PPP1R13B: variants seen among roughly 807,000 people sequenced by gnomAD.
PPP1R13B encodes the protein apoptosis-stimulating of p53 protein 1.
PPP1R13B carries 44 observed loss-of-function variants against 119.8 expected under a neutral mutation model. That is an observed-to-expected ratio of 0.37 (90% CI 0.29 to 0.47). The LOEUF is 0.47. Ranked by LOEUF, PPP1R13B falls within the 20% of genes least tolerant of loss-of-function variation. PPP1R13B has a pLI of 0.99. For synonymous variants in PPP1R13B, 542 were observed against 561.5 expected, an observed-to-expected ratio of 0.97 and a Z score of 0.49; for missense variants, 1,227 against 1,413.5, an observed-to-expected ratio of 0.87 and a Z score of 2.12.
At chr14:103,778,026 A>G (rs889395633) in intron 4 of PPP1R13B, among the ~76,000 whole-genome samples, 15 of 150,858 alleles carry the variant, frequency 9.9e-5, no homozygotes, top group Admixed American at 3.3e-4. Flanking sequence ...ATCTTGGCTC[A>G]CTCCAACCTC....
rs2084036693 is a variant in PPP1R13B at position 103,734,454 on chromosome 14, A to AGT, written c.*698_*699dup. 1 of 452,246 alleles carries AGT rather than the reference A, an allele frequency of 2.2e-6. No homozygotes were observed. Among genetic ancestry groups the AGT allele is most frequent in the African/African-American group, 2.0e-5 (1 of 49,974 alleles). 28.0% of individuals were successfully genotyped at this position (452,246 alleles called of 1,614,324 possible). ...ACAGGCTGTGAGATCGGAGGAGAAG[A>AGT]GTATATGCTGAGGCTCTCCCAGTTG... On this transcript the variant is annotated 3_prime_UTR_variant, in exon 17 of 17. Transcript: ENST00000202556.
intron 4 of PPP1R13B, among the ~76,000 whole-genome samples, chr14:103,760,352 C>G (rs1002760885): frequency 1.3e-5 from 2 of 152,168 alleles, no homozygotes; most frequent in Admixed American, 6.5e-5. Flanking sequence ...CCTAATTCTT[C>G]CCTATTTCTC....
chr14:103,739,697 G>T, intron 12 of PPP1R13B, 127 bp downstream of exon 12: 1 of 1,171,552 alleles, frequency 8.5e-7, no homozygotes, highest in Non-Finnish European at 1.2e-6. Context: ...CTCCCTACAA[G>T]ACGTAACTCA....
At chr14:103,786,919 G>A (rs1202191720) in intron 2 of PPP1R13B, among the ~76,000 whole-genome samples, 1 of 151,616 alleles carries the variant, frequency 6.6e-6, no homozygotes, top group Non-Finnish European at 1.5e-5. Context: ...TGTTGGTCAG[G>A]TTGGTCTCGA....
intron 1 of PPP1R13B, among the ~76,000 whole-genome samples, chr14:103,819,024 G>A (rs566267036): frequency 2.0e-5 from 3 of 152,138 alleles, no homozygotes; most frequent in Non-Finnish European, 4.4e-5. Context: ...CTCACTGAAG[G>A]AGGAGAAAGG....
At chr14:103,848,218 C>T (rs930674570), upstream of PPP1R13B, 2 of 983,280 alleles carry the variant, frequency 2.0e-6, no homozygotes, top group Admixed American at 6.1e-5. Context: ...TTGGCCTTCG[C>T]CCGAGCGATC....
intron 4 of PPP1R13B, among the ~76,000 whole-genome samples, chr14:103,766,955 TA>T (rs920312200): frequency 6.6e-6 from 1 of 152,166 alleles, no homozygotes; most frequent in Non-Finnish European, 1.5e-5. Flanking sequence ...GATTCAAGAA[TA>T]AAACAATTTT....
In PPP1R13B at chr14:103,761,538, C is replaced by T. The variant is rs968616290; in HGVS notation, c.355-3787G>A. The stretch of plus-strand genomic sequence containing the variant: ...CAGCGCTTTGGGAGGCCAAGGTGGG[C>T]GGATCACGAGGTCAGGAGTTCAAGA... On this transcript the variant is annotated intron_variant, in intron 4 of 16. Coordinates refer to ENST00000202556, the MANE Select transcript of PPP1R13B (RefSeq NM_015316.3). 1.2e-4 allele frequency among the ~76,000 whole-genome samples: 18 copies of T among 151,910 alleles called. No homozygotes were observed. The East Asian group carries it at 3.3e-3, about 28-fold the overall frequency.
intron 1 of PPP1R13B, among the ~76,000 whole-genome samples, chr14:103,826,233 G>A (rs568517275): frequency 2.6e-5 from 4 of 152,164 alleles, no homozygotes; most frequent in Admixed American, 6.5e-5. Flanking sequence ...ACTTTATTGC[G>A]ATTATTTGCT....
chr14:103,796,590 C>T (rs1436263707), intron 2 of PPP1R13B, among the ~76,000 whole-genome samples: 1 of 152,118 alleles, frequency 6.6e-6, no homozygotes, highest in Non-Finnish European at 1.5e-5. Context: ...AAAGGTTAAA[C>T]ACGAATTACC....
At chr14:103,822,804 C>T (rs1471384827) in intron 1 of PPP1R13B, among the ~76,000 whole-genome samples, 1 of 151,814 alleles carries the variant, frequency 6.6e-6, no homozygotes, top group Non-Finnish European at 1.5e-5. Context: ...CAGAGCAAGA[C>T]TCCATCTCGA....
At chr14:103,765,970 C>T (rs950491532) in intron 4 of PPP1R13B, among the ~76,000 whole-genome samples, 15 of 144,322 alleles carry the variant, frequency 1.0e-4, no homozygotes, top group African/African-American at 3.4e-4. Flanking sequence ...CAAAAACTCT[C>T]GGAGGAAATT....
intron 2 of PPP1R13B, among the ~76,000 whole-genome samples, chr14:103,790,769 C>G (rs1025016545): frequency 1.3e-5 from 2 of 152,200 alleles, no homozygotes; most frequent in Non-Finnish European, 2.9e-5. Flanking sequence ...CTTTGGGAAG[C>G]CAAGGCAAGC....
intron 1 of PPP1R13B, among the ~76,000 whole-genome samples, chr14:103,827,943 T>C (rs1259040645): frequency 6.6e-6 from 1 of 152,208 alleles, no homozygotes; most frequent in Middle Eastern, 3.4e-3. Flanking sequence ...AAGAAACCAA[T>C]TGGACCATAA....
At chr14:103,769,129 A>T (rs2085005053) in intron 4 of PPP1R13B, among the ~76,000 whole-genome samples, 1 of 152,172 alleles carries the variant, frequency 6.6e-6, no homozygotes, top group Non-Finnish European at 1.5e-5. Flanking sequence ...TCTGTCACCC[A>T]GGCTGGAGTG....
intron 2 of PPP1R13B, among the ~76,000 whole-genome samples, chr14:103,790,916 A>G (rs537005076): frequency 1.3e-5 from 2 of 152,272 alleles, no homozygotes; most frequent in East Asian, 3.9e-4. Context: ...TATACTTAAG[A>G]TTTATAACTC....
At chr14:103,823,258 G>C (rs1342480419) in intron 1 of PPP1R13B, among the ~76,000 whole-genome samples, 3 of 151,782 alleles carry the variant, frequency 2.0e-5, no homozygotes, top group Admixed American at 1.3e-4. Context: ...AGAATCGCTT[G>C]AACCCAGGAG....
intron 4 of PPP1R13B, among the ~76,000 whole-genome samples, chr14:103,758,799 A>G (rs934386360): frequency 4.6e-5 from 7 of 152,170 alleles, no homozygotes; most frequent in African/African-American, 1.4e-4. Context: ...AGGTTCATAT[A>G]TACTCTTAGG....
chr14:103,833,507 G>A (rs2086705631), intron 1 of PPP1R13B, among the ~76,000 whole-genome samples: 1 of 152,116 alleles, frequency 6.6e-6, no homozygotes, highest in Non-Finnish European at 1.5e-5. Context: ...GCTGGGTGTT[G>A]TTGTGCACAC....
Sources: allele counts gnomAD v4.1 joint callset (sites outside exome capture counted in the v4.1 genomes callset), GRCh38; gene constraint gnomAD v4.1.1; transcripts MANE v1.5; gene names NCBI Gene and HGNC (gene_info 2026-07-23, HGNC 2026-07-21).